Variants in DYM observed in about 807,000 individuals in gnomAD.
DYM encodes the protein dymeclin.
Under a neutral mutation model 93.1 loss-of-function variants are expected in DYM, and 78 were observed. That is an observed-to-expected ratio of 0.84 (90% CI 0.70 to 1.01). The LOEUF is 1.01. Among genes scored for constraint, DYM ranks in the 50% least tolerant of loss-of-function variants. The probability of loss-of-function intolerance (pLI) is 0.00; values close to 1 mark genes in which losing one functional copy is unlikely to be tolerated. For missense variants in DYM, 789 were observed against 845.0 expected (o/e 0.93, Z 0.82); for synonymous variants, 321 against 319.7 (o/e 1.00, Z -0.04).
chr18:49,253,980 C>T (rs2145050594), intron 13 of DYM, among the ~76,000 whole-genome samples: 1 of 152,228 alleles, frequency 6.6e-6, no homozygotes, highest in South Asian at 2.1e-4. Context: ...TAGAGGTCCA[C>T]AGCATGCCAG....
chr18:49,206,737 C>T (rs1267318072), intron 14 of DYM, among the ~76,000 whole-genome samples: 2 of 152,170 alleles, frequency 1.3e-5, no homozygotes, highest in Non-Finnish European at 2.9e-5. Context: ...TATATTAACA[C>T]TGTATTTCTT....
intron 13 of DYM, among the ~76,000 whole-genome samples, chr18:49,212,902 A>T (rs2092851496): frequency 6.6e-6 from 1 of 152,218 alleles, no homozygotes; most frequent in Non-Finnish European, 1.5e-5. Flanking sequence ...CTAAAATGTC[A>T]TTCTGACCTC....
intron 13 of DYM, among the ~76,000 whole-genome samples, chr18:49,228,599 G>A (rs1236455604): frequency 6.6e-6 from 1 of 152,112 alleles, no homozygotes; most frequent in Non-Finnish European, 1.5e-5. Flanking sequence ...AAATAGTTCT[G>A]AAGACTTTAT....
chr18:49,333,645 G>T (rs1351617542), intron 7 of DYM, 83 bp downstream of exon 7: 7 of 1,421,542 alleles, frequency 4.9e-6, no homozygotes, highest in Non-Finnish European at 5.9e-6. Flanking sequence ...GGAGATATGG[G>T]ACGATACTCA....
intron 3 of DYM, among the ~76,000 whole-genome samples, chr18:49,383,749 G>A (rs573535451): frequency 6.6e-6 from 1 of 152,264 alleles, no homozygotes; most frequent in Admixed American, 6.5e-5. Context: ...TGAGGTCAGA[G>A]ACCCGGGTCA....
At chr18:49,409,300 G>GA (rs1164540336) in intron 2 of DYM, among the ~76,000 whole-genome samples, 3 of 143,278 alleles carry the variant, frequency 2.1e-5, no homozygotes, top group Non-Finnish European at 3.1e-5. Context: ...AAAAAAAAAA[G>GA]AAAAAAAAGA....
intron 2 of DYM, among the ~76,000 whole-genome samples, chr18:49,425,683 T>C (rs537376610): frequency 6.6e-5 from 10 of 151,976 alleles, no homozygotes; most frequent in Non-Finnish European, 1.3e-4. Flanking sequence ...ACAAAGAACT[T>C]AAACAAATTT....
intron 2 of DYM, among the ~76,000 whole-genome samples, chr18:49,416,253 T>A (rs1453953239): frequency 2.0e-5 from 3 of 152,228 alleles, no homozygotes; most frequent in African/African-American, 7.2e-5. Flanking sequence ...GTAGGGGTTA[T>A]TATTTCCATT....
chr18:49,218,036 C>G (rs1017014071), intron 13 of DYM, among the ~76,000 whole-genome samples: 1 of 151,820 alleles, frequency 6.6e-6, no homozygotes, highest in African/African-American at 2.4e-5. Context: ...CACAAATAGG[C>G]TCAAAATAAA....
At chr18:49,111,535 G>A (rs955341320) in intron 16 of DYM, among the ~76,000 whole-genome samples, 5 of 152,184 alleles carry the variant, frequency 3.3e-5, no homozygotes, top group African/African-American at 7.2e-5. Flanking sequence ...AGGCTTGGAG[G>A]TTGAGCTGAT....
rs114164735 is a variant in DYM, at chr18:49,330,599, G to A, written c.763+1265C>T. On this transcript the variant is annotated intron_variant, in intron 8 of 17. Transcript: ENST00000675505. ...AACTGCCAAGTATTGCCATTGTTTT[G>A]AAGAAAGCACTTACAGGCTTATACT... is the stretch of plus-strand genomic sequence containing the variant. Among the ~76,000 whole-genome samples, 525 of 152,134 alleles carry A rather than the reference G, an allele frequency of 3.5e-3. 4 individuals are homozygous for A. Among genetic ancestry groups the A allele is most frequent in the African/African-American group, 0.012 (487 of 41,502 alleles).
At chr18:49,155,880 A>G (rs556150961) in intron 15 of DYM, among the ~76,000 whole-genome samples, 1 of 152,244 alleles carries the variant, frequency 6.6e-6, no homozygotes, top group East Asian at 1.9e-4. Flanking sequence ...GAACATGTGC[A>G]TTTTCAGGTA....
chr18:49,281,505 C>T (rs1056642915), intron 10 of DYM, among the ~76,000 whole-genome samples: 14 of 152,252 alleles, frequency 9.2e-5, no homozygotes, highest in African/African-American at 2.9e-4. Context: ...CATGCACACG[C>T]ATGTTTATGG....
At chr18:49,187,715 T>TG (rs2145615272) in intron 14 of DYM, among the ~76,000 whole-genome samples, 1 of 152,332 alleles carries the variant, frequency 6.6e-6, no homozygotes, top group South Asian at 2.1e-4. Context: ...AACTATTGTA[T>TG]TTATATAAAT....
intron 3 of DYM, among the ~76,000 whole-genome samples, chr18:49,385,775 T>C (rs1022598088): frequency 2.6e-5 from 4 of 151,486 alleles, no homozygotes; most frequent in Non-Finnish European, 5.9e-5. Context: ...ACAAAAAGCC[T>C]AACAAAAATA....
At chr18:49,375,193 GACACAC>G (rs34631271) in intron 5 of DYM, among the ~76,000 whole-genome samples, 24 of 137,982 alleles carry the variant, frequency 1.7e-4, no homozygotes, top group South Asian at 2.3e-4. Flanking sequence ...AAGGGGAAAA[GACACAC>G]ACACACACAC....
intron 14 of DYM, among the ~76,000 whole-genome samples, chr18:49,202,210 T>A (rs1304446593): frequency 2.0e-5 from 3 of 152,222 alleles, no homozygotes; most frequent in African/African-American, 7.2e-5. Flanking sequence ...TCCCTTTCAC[T>A]CTTCTACTAT....
chr18:49,067,802 A>C (rs1213211231), intron 17 of DYM, among the ~76,000 whole-genome samples: 2 of 152,220 alleles, frequency 1.3e-5, no homozygotes, highest in Admixed American at 6.5e-5. Context: ...ATGAAAGTAG[A>C]ACTCAAAAAG....
intron 10 of DYM, among the ~76,000 whole-genome samples, chr18:49,275,841 C>G (rs549521671): frequency 2.0e-5 from 3 of 152,086 alleles, no homozygotes; most frequent in Non-Finnish European, 4.4e-5. Flanking sequence ...ATGAACAGAA[C>G]TATTTTCTTA....
Sources: gnomAD v4.1 joint callset for allele counts (sites outside exome capture counted in the v4.1 genomes callset) on GRCh38, gnomAD v4.1.1 for gene constraint, MANE v1.5 for transcripts, NCBI Gene and HGNC (gene_info 2026-07-23, HGNC 2026-07-21) for gene names.